Variants in DCAF8L2 observed in about 807,000 individuals in gnomAD.
DCAF8L2 encodes the protein DDB1 and CUL4 associated factor 8 like 2.
For missense variants in DCAF8L2, 430 were observed against 490.7 expected, an observed-to-expected ratio of 0.88 and a Z score of 1.17; for synonymous variants, 200 against 190.9, an observed-to-expected ratio of 1.05 and a Z score of -0.39.
rs1434372416 is a variant in DCAF8L2 at position 27,748,635 on chromosome X, T to G, written c.1740T>G (p.Leu580=). 4 of 1,201,598 alleles carry G rather than the reference T, an allele frequency of 3.3e-6. No individual in the cohort carries two copies. Among genetic ancestry groups the G allele is most frequent in the Non-Finnish European group, 4.5e-6 (4 of 889,480 alleles). Residue 580 remains leucine (L), a synonymous_variant, in exon 5 of 5, where the codon CTT becomes CTG. Transcript: ENST00000451261. ...HHGSLFDQYM[L]WFLLRHVTQR... is the part of the protein sequence containing the mutation. Reference sequence around the variant, plus strand: ...GCAGCCTGTTTGACCAGTACATGCTTTGGTTCCTCCTGCGTCACGTGACGC... The same window carrying G: ...GCAGCCTGTTTGACCAGTACATGCTGTGGTTCCTCCTGCGTCACGTGACGC...
At chrX:27,639,092 TGGGGTACTATTCA>T (rs757384959) in intron 2 of DCAF8L2, among the ~76,000 whole-genome samples, 71 of 112,323 alleles carry the variant, frequency 6.3e-4, no homozygotes, top group African/African-American at 2.2e-3. Flanking sequence ...ATATGTACAA[TGGGGTACTATTCA>T]GCCATAAAAA....
chrX:27,676,792 T>G (rs1930152682), intron 2 of DCAF8L2, among the ~76,000 whole-genome samples: 1 of 111,784 alleles, frequency 8.9e-6, no homozygotes. Flanking sequence ...GTGCATGCAT[T>G]TTTCTCTATT....
intron 3 of DCAF8L2, among the ~76,000 whole-genome samples, chrX:27,682,729 A>G (rs979030050): frequency 4.5e-5 from 5 of 110,756 alleles, no homozygotes; most frequent in African/African-American, 6.6e-5. Flanking sequence ...TTAAGCTGCC[A>G]AGAGTCTTCC....
the DCAF8L2 span, among the ~76,000 whole-genome samples, chrX:27,549,001 A>G: frequency 3.6e-5 from 4 of 111,669 alleles, no homozygotes; most frequent in South Asian, 3.7e-4. Flanking sequence ...AAGACCCACA[A>G]CAGAAGCGAA....
the DCAF8L2 span, among the ~76,000 whole-genome samples, chrX:27,525,014 G>C: frequency 1.2e-4 from 13 of 112,115 alleles, no homozygotes; most frequent in Admixed American, 5.7e-4. Flanking sequence ...CTGTTGGTTT[G>C]GGGTGGAGAG....
At chrX:27,512,714 G>GA in the DCAF8L2 span, among the ~76,000 whole-genome samples, 10 of 51,304 alleles carry the variant, frequency 1.9e-4, no homozygotes, top group Admixed American at 1.4e-3. Flanking sequence ...CACAGCAACA[G>GA]AAAAAAAAAT....
At chrX:27,626,170 A>C (rs1004414202) in intron 1 of DCAF8L2, among the ~76,000 whole-genome samples, 3 of 111,605 alleles carry the variant, frequency 2.7e-5, no homozygotes, top group Admixed American at 9.5e-5. Flanking sequence ...ACCAAGGGGA[A>C]TTTGGAGACA....
At chrX:27,681,059 G>C (rs1309718588) in intron 3 of DCAF8L2, among the ~76,000 whole-genome samples, 1 of 111,728 alleles carries the variant, frequency 9.0e-6, no homozygotes. Flanking sequence ...TACTGTTTTA[G>C]AGGTAGATAT....
chrX:27,731,016 C>T (rs1169428868), intron 4 of DCAF8L2, among the ~76,000 whole-genome samples: 1 of 111,237 alleles, frequency 9.0e-6, no homozygotes, highest in Admixed American at 9.6e-5. Context: ...AACTTTGTGA[C>T]CACAGAACTT....
rs764329296 is a variant in DCAF8L2, at chrX:27,667,750, C to T, written c.-219-10086C>T. On this transcript the variant is annotated intron_variant, in intron 2 of 4. Coordinates refer to ENST00000451261, the MANE Select transcript of DCAF8L2 (RefSeq NM_001353450.2). ...AAATAGAAAGCAAATCATCTTTATT[C>T]TTCTGTGAGCATTTTATGTTATGAA... Among the ~76,000 whole-genome samples the T allele has an allele frequency of 2.0e-4, 22 of 112,324 alleles. No homozygotes were observed. In the South Asian group the frequency reaches 7.0e-3, roughly 36 times the overall value.
chrX:27,490,159 C>A, the DCAF8L2 span, among the ~76,000 whole-genome samples: 1 of 112,151 alleles, frequency 8.9e-6, no homozygotes, highest in African/African-American at 3.2e-5. Context: ...CCTTATTTTG[C>A]ATTTGGTATT....
At chrX:27,486,622 C>A in the DCAF8L2 span, among the ~76,000 whole-genome samples, 3 of 111,264 alleles carry the variant, frequency 2.7e-5, no homozygotes, top group African/African-American at 9.8e-5. Flanking sequence ...TAGCCATTGT[C>A]CCCTTTTCAT....
At chrX:27,573,009 T>C in the DCAF8L2 span, among the ~76,000 whole-genome samples, 1 of 110,915 alleles carries the variant, frequency 9.0e-6, no homozygotes, top group East Asian at 2.8e-4. Context: ...TTATTTCCTA[T>C]TGGTTTACTT....
chrX:27,636,066 C>T, intron 2 of DCAF8L2, among the ~76,000 whole-genome samples: 1 of 111,112 alleles, frequency 9.0e-6, no homozygotes, highest in Non-Finnish European at 1.9e-5. Context: ...GCCCGCCAAC[C>T]GTGGCCTCCG....
chrX:27,533,164 GAGAAAGAAAGAAAGAA>G, the DCAF8L2 span, among the ~76,000 whole-genome samples: 44 of 17,334 alleles, frequency 2.5e-3, 2 homozygotes, highest in South Asian at 6.7e-3. Context: ...GAGAGAGAGA[GAGAAAGAAAGAAAGAA>G]AGAAAGAAAG....
intron 4 of DCAF8L2, among the ~76,000 whole-genome samples, chrX:27,734,093 A>G: frequency 9.0e-6 from 1 of 111,598 alleles, no homozygotes; most frequent in Middle Eastern, 4.7e-3. Context: ...ATCAAGGGGG[A>G]AAACTGAAAG....
At chrX:27,537,521 A>G in the DCAF8L2 span, among the ~76,000 whole-genome samples, 5 of 112,487 alleles carry the variant, frequency 4.4e-5, no homozygotes, top group Non-Finnish European at 9.4e-5. Context: ...TTTAAATACA[A>G]TTTTAGCCAT....
chrX:27,623,465 T>C lies in DCAF8L2; in HGVS notation c.-341-8414T>C, dbSNP rs745741439. Among the ~76,000 whole-genome samples, 427 of 111,089 alleles carry C rather than the reference T, an allele frequency of 3.8e-3. 1 individual carries two copies. The highest frequency in any genetic ancestry group is 0.013 in the African/African-American group (397 of 30,617). On this transcript the variant is annotated intron_variant, in intron 1 of 4. Coordinates refer to ENST00000451261, the MANE Select transcript of DCAF8L2 (RefSeq NM_001353450.2). The stretch of plus-strand genomic sequence containing the variant: ...GTAAATATACCTGTTTTATTTTTAA[T>C]ATATATTACAAATCAAAGTCCTAAA...
chrX:27,556,563 G>T, the DCAF8L2 span, among the ~76,000 whole-genome samples: 2 of 111,922 alleles, frequency 1.8e-5, no homozygotes, highest in African/African-American at 6.5e-5. Flanking sequence ...ATGCAGAAAA[G>T]TTGAAAATGC....
Sources: allele counts gnomAD v4.1 joint callset (sites outside exome capture counted in the v4.1 genomes callset), GRCh38; gene constraint gnomAD v4.1.1; transcripts MANE v1.5; gene names NCBI Gene and HGNC (gene_info 2026-07-23, HGNC 2026-07-21).